The following DLG2 variants were observed in gnomAD, a reference collection of about 807,000 sequenced individuals.
DLG2 encodes the protein disks large homolog 2.
In DLG2, 45 loss-of-function variants were observed where a neutral mutation model predicts 132.5. That is an observed-to-expected ratio of 0.34 (90% CI 0.27 to 0.44). The LOEUF (loss-of-function observed/expected upper bound fraction) is 0.44, where lower values mean the gene tolerates loss of function less well. Among genes scored for constraint, DLG2 ranks in the 20% least tolerant of loss-of-function variants. The pLI, the probability that DLG2 is intolerant of heterozygous loss-of-function variation, is 1.00. For missense variants in DLG2, 1,045 were observed against 1,196.9 expected (o/e 0.87, Z 1.87); for synonymous variants, 424 against 419.6 (o/e 1.01, Z -0.13).
intron 19 of DLG2, among the ~76,000 whole-genome samples, chr11:83,627,877 T>A (rs2062871300): frequency 6.6e-6 from 1 of 152,154 alleles, no homozygotes; most frequent in Admixed American, 6.5e-5. Flanking sequence ...CAGCACCTGT[T>A]GTTTCCTGAG....
At chr11:83,497,467 A>G (rs1304764585) in intron 21 of DLG2, among the ~76,000 whole-genome samples, 1 of 151,512 alleles carries the variant, frequency 6.6e-6, no homozygotes, top group African/African-American at 2.4e-5. Flanking sequence ...CCTGAGAGGC[A>G]GAGGATGCGG....
chr11:84,143,131 C>T (rs1259417256), intron 9 of DLG2, among the ~76,000 whole-genome samples: 1 of 151,990 alleles, frequency 6.6e-6, no homozygotes, highest in African/African-American at 2.4e-5. Flanking sequence ...CTACCTTGTG[C>T]CAGGTGCTGG....
intron 21 of DLG2, among the ~76,000 whole-genome samples, chr11:83,501,867 T>C (rs1158797368): frequency 6.6e-6 from 1 of 152,174 alleles, no homozygotes; most frequent in Non-Finnish European, 1.5e-5. Flanking sequence ...CTTTCCTTCC[T>C]TTAACCACAG....
At chr11:84,290,995 C>T (rs1056413468) in intron 7 of DLG2, among the ~76,000 whole-genome samples, 7 of 152,046 alleles carry the variant, frequency 4.6e-5, no homozygotes, top group African/African-American at 1.4e-4. Flanking sequence ...AAAAAAAATG[C>T]ACATCTAGCA....
At chr11:85,493,996 C>T (rs571057748) in intron 3 of DLG2, among the ~76,000 whole-genome samples, 132 of 152,238 alleles carry the variant, frequency 8.7e-4, no homozygotes, top group African/African-American at 3.0e-3. Context: ...GCTGCATCCT[C>T]TGGAGGAAAG....
intron 8 of DLG2, among the ~76,000 whole-genome samples, chr11:84,170,814 T>C (rs7927822): frequency 0.012 from 1,842 of 152,168 alleles, 34 homozygotes; most frequent in African/African-American, 0.043. Flanking sequence ...ACCTCTGAGG[T>C]CCCTCCCAGC....
chr11:84,718,740 A>G (rs940415138), intron 6 of DLG2, among the ~76,000 whole-genome samples: 1 of 152,188 alleles, frequency 6.6e-6, no homozygotes, highest in Non-Finnish European at 1.5e-5. Context: ...AGAGTGAATA[A>G]AAGCATGAGG....
intron 16 of DLG2, among the ~76,000 whole-genome samples, chr11:83,846,196 T>A (rs373715344): frequency 6.6e-6 from 1 of 152,220 alleles, no homozygotes; most frequent in East Asian, 1.9e-4. Context: ...GTACATGGCA[T>A]GAGCCTAGGG....
chr11:84,833,660 G>T (rs372862450), intron 6 of DLG2, among the ~76,000 whole-genome samples: 1 of 151,436 alleles, frequency 6.6e-6, no homozygotes, highest in Admixed American at 6.6e-5. Flanking sequence ...GCAGTTGTGG[G>T]GGGGTGGGCA....
chr11:84,484,524 G>A (rs2099146081), intron 7 of DLG2, among the ~76,000 whole-genome samples: 1 of 152,140 alleles, frequency 6.6e-6, no homozygotes, highest in South Asian at 2.1e-4. Flanking sequence ...TGTACTAAGG[G>A]ATAATGAACT....
chr11:85,533,458 C>CATATATATATAT (rs34379979), intron 3 of DLG2, among the ~76,000 whole-genome samples: 51 of 142,142 alleles, frequency 3.6e-4, no homozygotes, highest in African/African-American at 9.7e-4. Context: ...ACATAAAATA[C>CATATATATATAT]ATATATATAT....
intron 9 of DLG2, among the ~76,000 whole-genome samples, chr11:84,117,534 C>T (rs554467907): frequency 7.2e-5 from 11 of 152,250 alleles, no homozygotes; most frequent in African/African-American, 2.6e-4. Context: ...CATTTCTAAG[C>T]CTTCTTTCCT....
chr11:84,682,236 C>A (rs1301712169), intron 6 of DLG2, among the ~76,000 whole-genome samples: 1 of 152,172 alleles, frequency 6.6e-6, no homozygotes, highest in Non-Finnish European at 1.5e-5. Context: ...AATTATAGCA[C>A]AGTCCCAACA....
At chr11:84,987,409 G>GA (rs983483064) in intron 6 of DLG2, among the ~76,000 whole-genome samples, 3 of 150,908 alleles carry the variant, frequency 2.0e-5, no homozygotes, top group Non-Finnish European at 3.0e-5. Context: ...CACAGAATTA[G>GA]AAAAAAAAAT....
intron 11 of DLG2, among the ~76,000 whole-genome samples, chr11:84,018,553 G>A (rs953804045): frequency 3.3e-5 from 5 of 151,906 alleles, no homozygotes; most frequent in African/African-American, 1.2e-4. Context: ...GTAAAAAAGG[G>A]TGAAAATAAT....
At chr11:84,241,396 G>A (rs2097222640) in intron 8 of DLG2, among the ~76,000 whole-genome samples, 1 of 152,164 alleles carries the variant, frequency 6.6e-6, no homozygotes. Context: ...CTCCTAAGAG[G>A]AACTCTACCC....
chr11:84,365,399 C>G (rs2098675822), intron 7 of DLG2, among the ~76,000 whole-genome samples: 1 of 151,718 alleles, frequency 6.6e-6, no homozygotes, highest in Non-Finnish European at 1.5e-5. Flanking sequence ...TGATTCTTCT[C>G]TCTTTTTTTT....
At chr11:84,427,545 A>C (rs796386204) in intron 7 of DLG2, among the ~76,000 whole-genome samples, 1 of 152,284 alleles carries the variant, frequency 6.6e-6, no homozygotes, top group African/African-American at 2.4e-5. Context: ...AAGAACTTTT[A>C]CAGGAATCTT....
intron 7 of DLG2, among the ~76,000 whole-genome samples, chr11:84,356,140 T>A (rs2154416920): frequency 6.6e-6 from 1 of 152,222 alleles, no homozygotes; most frequent in Non-Finnish European, 1.5e-5. Flanking sequence ...TCAGACTCAG[T>A]TTTTGTTTGT....
Sources: allele counts gnomAD v4.1 joint callset (sites outside exome capture counted in the v4.1 genomes callset), GRCh38; gene constraint gnomAD v4.1.1; transcripts MANE v1.5; gene names NCBI Gene and HGNC (gene_info 2026-07-23, HGNC 2026-07-21).